Variants in PLXNA4 observed in about 807,000 individuals in gnomAD.
PLXNA4 encodes the protein plexin-A4.
A neutral mutation model predicts 191.8 loss-of-function variants in PLXNA4; 44 were observed. The ratio of observed to expected loss-of-function variants is 0.23; its 90% CI spans 0.18 to 0.29. The LOEUF (loss-of-function observed/expected upper bound fraction) is 0.29, where lower values mean the gene tolerates loss of function less well. PLXNA4 is among the 10% of genes least tolerant of loss of function. PLXNA4 has a pLI of 1.00. For synonymous variants in PLXNA4, 1,082 were observed against 1,009.5 expected (o/e 1.07, Z -1.36); for missense variants, 1,800 against 2,488.8 (o/e 0.72, Z 5.89).
chr7:132,469,653 C>T (rs1796858386), intron 3 of PLXNA4, among the ~76,000 whole-genome samples: 1 of 152,230 alleles, frequency 6.6e-6, no homozygotes, highest in Non-Finnish European at 1.5e-5. Flanking sequence ...GCCCATGGGT[C>T]TTCATTCCAA....
At chr7:132,270,361 A>G (rs74781973) in intron 4 of PLXNA4, among the ~76,000 whole-genome samples, 2,604 of 152,344 alleles carry the variant, frequency 0.017, 34 homozygotes, top group Non-Finnish European at 0.023. Context: ...GAGGTCAGCA[A>G]GAAACAAATT....
At chr7:132,634,892 C>T (rs1228066456) in intron 2 of PLXNA4, among the ~76,000 whole-genome samples, 2 of 152,088 alleles carry the variant, frequency 1.3e-5, no homozygotes, top group African/African-American at 2.4e-5. Flanking sequence ...AGTCAGTGGG[C>T]CAGGAAAGGC....
intron 6 of PLXNA4, 104 bp downstream of exon 6, chr7:132,228,242 G>T: frequency 6.7e-7 from 1 of 1,487,394 alleles, no homozygotes; most frequent in Non-Finnish European, 9.2e-7. Context: ...TGCTGGCCGG[G>T]CTTGGCCCAG....
At chr7:132,584,173 C>T (rs1802463829) in intron 2 of PLXNA4, among the ~76,000 whole-genome samples, 1 of 152,194 alleles carries the variant, frequency 6.6e-6, no homozygotes, top group Non-Finnish European at 1.5e-5. Flanking sequence ...ACTGCATCAG[C>T]CCAGTTCAGG....
chr7:132,330,657 T>C (rs1288565113), intron 3 of PLXNA4, among the ~76,000 whole-genome samples: 1 of 152,160 alleles, frequency 6.6e-6, no homozygotes, highest in Non-Finnish European at 1.5e-5. Flanking sequence ...ATGGGAACTC[T>C]TAGGGAAATG....
At chr7:132,455,320 G>A (rs1416585955) in intron 3 of PLXNA4, among the ~76,000 whole-genome samples, 3 of 152,138 alleles carry the variant, frequency 2.0e-5, no homozygotes, top group South Asian at 2.1e-4. Context: ...GGGGAGGGGC[G>A]CCTGGCTCTC....
At chr7:132,387,576 C>A (rs1805205602) in intron 3 of PLXNA4, among the ~76,000 whole-genome samples, 1 of 152,140 alleles carries the variant, frequency 6.6e-6, no homozygotes, top group South Asian at 2.1e-4. Flanking sequence ...TCAGAAGCCA[C>A]CAGAGAATTA....
At chr7:132,500,272 G>A (rs1397367908) in intron 2 of PLXNA4, among the ~76,000 whole-genome samples, 1 of 152,162 alleles carries the variant, frequency 6.6e-6, no homozygotes, top group African/African-American at 2.4e-5. Context: ...ATGAAACCCT[G>A]TCTGTACTAA....
intron 3 of PLXNA4, among the ~76,000 whole-genome samples, chr7:132,365,364 T>TGTGTGTGTGC (rs1554424583): frequency 1.4e-5 from 2 of 147,214 alleles, no homozygotes; most frequent in South Asian, 4.4e-4. Context: ...TGTGTGTGCG[T>TGTGTGTGTGC]GCGCGCGCAT....
intron 2 of PLXNA4, among the ~76,000 whole-genome samples, chr7:132,584,086 GGGCCTGGATAAGACA>G (rs1345301170): frequency 6.6e-6 from 1 of 152,168 alleles, no homozygotes; most frequent in African/African-American, 2.4e-5. Flanking sequence ...GGTCATTGAT[GGGCCTGGATAAGACA>G]GGTCAGCCCA....
rs74822889 is a variant in PLXNA4 at position 132,537,095 on chromosome 7, C to G, written c.-86-28316G>C. On this transcript the variant is annotated intron_variant, in intron 1 of 31. Coordinates refer to ENST00000321063, the MANE Select transcript of PLXNA4 (RefSeq NM_020911.2). The stretch of plus-strand genomic sequence containing the variant: ...GGGGGCTGCTGCCTGGAGGAGCGAG[C>G]TTTCTTTCTGGATTCTTCCAAAGGG... Among the ~76,000 whole-genome samples the G allele has an allele frequency of 3.3e-5, 5 of 152,326 alleles. No individual in the cohort carries two copies. In the East Asian group the frequency reaches 9.7e-4, roughly 29 times the overall value.
chr7:132,342,110 G>A (rs754776195), intron 3 of PLXNA4, among the ~76,000 whole-genome samples: 7 of 151,340 alleles, frequency 4.6e-5, no homozygotes, highest in Non-Finnish European at 8.8e-5. Flanking sequence ...TGGCTTCAAG[G>A]AGACCACCTA....
At chr7:132,393,882 T>C (rs1257351957) in intron 3 of PLXNA4, among the ~76,000 whole-genome samples, 1 of 152,150 alleles carries the variant, frequency 6.6e-6, no homozygotes, top group Admixed American at 6.5e-5. Flanking sequence ...GAAGCGGGGC[T>C]GTGTAACAAT....
intron 1 of PLXNA4, among the ~76,000 whole-genome samples, chr7:132,560,583 G>A (rs998904366): frequency 6.6e-6 from 1 of 152,056 alleles, no homozygotes; most frequent in Non-Finnish European, 1.5e-5. Flanking sequence ...AGCTGCCGGG[G>A]ACACAAGAGC....
chr7:132,360,540 T>A (rs1218190815), intron 3 of PLXNA4, among the ~76,000 whole-genome samples: 2 of 152,210 alleles, frequency 1.3e-5, no homozygotes, highest in African/African-American at 2.4e-5. Context: ...TCCCGTTCTA[T>A]CCTTTCCTTA....
chr7:132,214,451 C>T lies in PLXNA4; in HGVS notation c.2098-3308G>A, dbSNP rs576618103. Reference sequence around the variant, plus strand: ...GGCTGGGCACATTTTCCTCTAGTGGCGCTGCTGATTGACCCCAGTGTCCCT... The same window carrying T: ...GGCTGGGCACATTTTCCTCTAGTGGTGCTGCTGATTGACCCCAGTGTCCCT... On this transcript the variant is annotated intron_variant, in intron 9 of 31. Coordinates refer to ENST00000321063, the MANE Select transcript of PLXNA4 (RefSeq NM_020911.2). 3.6e-4 allele frequency among the ~76,000 whole-genome samples: 55 copies of T among 152,210 alleles called. 1 individual carries two copies. Among genetic ancestry groups the T allele is most frequent in the South Asian group, 4.2e-4 (2 of 4,818 alleles).
intron 1 of PLXNA4, among the ~76,000 whole-genome samples, chr7:132,532,301 C>T (rs916170156): frequency 6.6e-6 from 1 of 152,196 alleles, no homozygotes; most frequent in Non-Finnish European, 1.5e-5. Context: ...GAATCTAAAA[C>T]CTGACCATGC....
chr7:132,271,933 G>A (rs903569592), intron 4 of PLXNA4, among the ~76,000 whole-genome samples: 1 of 152,176 alleles, frequency 6.6e-6, no homozygotes, highest in African/African-American at 2.4e-5. Context: ...GAGTTTGAAG[G>A]TAGAGGTGAA....
chr7:132,374,117 C>T (rs1036886955), intron 3 of PLXNA4, among the ~76,000 whole-genome samples: 2 of 152,122 alleles, frequency 1.3e-5, no homozygotes, highest in African/African-American at 4.8e-5. Context: ...GCTTGGCTCC[C>T]GTTCATTCCC....
Sources: allele counts gnomAD v4.1 joint callset (sites outside exome capture counted in the v4.1 genomes callset), GRCh38; gene constraint gnomAD v4.1.1; transcripts MANE v1.5; gene names NCBI Gene and HGNC (gene_info 2026-07-23, HGNC 2026-07-21).